ST8SIA6: variants seen among roughly 807,000 people sequenced by gnomAD.
ST8SIA6 encodes ST8 alpha-N-acetyl-neuraminide alpha-2,8-sialyltransferase 6.
A neutral mutation model predicts 33.6 loss-of-function variants in ST8SIA6; 39 were observed. The observed-to-expected ratio is 1.16, with a 90% confidence interval of 0.90 to 1.52. The LOEUF (loss-of-function observed/expected upper bound fraction) is 1.52. Ranked by LOEUF, ST8SIA6 falls within the 40% of genes most tolerant of loss-of-function variation. ST8SIA6 has a pLI of 0.00. For missense variants in ST8SIA6, 441 were observed against 443.8 expected (o/e 0.99, Z 0.06); for synonymous variants, 172 against 167.2 (o/e 1.03, Z -0.22).
At chr10:17,388,423 A>G (rs989085591) in intron 3 of ST8SIA6, among the ~76,000 whole-genome samples, 10 of 152,222 alleles carry the variant, frequency 6.6e-5, no homozygotes, top group African/African-American at 2.4e-4. Context: ...TCCCCAGATC[A>G]AACTCCAACA....
At chr10:17,379,761 C>G in intron 3 of ST8SIA6, among the ~76,000 whole-genome samples, 1 of 152,226 alleles carries the variant, frequency 6.6e-6, no homozygotes, top group South Asian at 2.1e-4. Context: ...CAAGCTATGC[C>G]CGACCACCTT....
At chr10:17,384,295 G>T (rs1043655982) in intron 3 of ST8SIA6, among the ~76,000 whole-genome samples, 1 of 152,170 alleles carries the variant, frequency 6.6e-6, no homozygotes, top group Admixed American at 6.5e-5. Context: ...GTATTTGATG[G>T]CACAAATCCA....
intron 2 of ST8SIA6, among the ~76,000 whole-genome samples, chr10:17,434,754 C>CACAT (rs200363979): frequency 0.021 from 3,200 of 151,916 alleles, 87 homozygotes; most frequent in Admixed American, 0.073. Flanking sequence ...CACACACACA[C>CACAT]GGGAAAGGAA....
At chr10:17,425,579 A>G (rs1335656037) in intron 2 of ST8SIA6, among the ~76,000 whole-genome samples, 4 of 151,726 alleles carry the variant, frequency 2.6e-5, no homozygotes, top group Non-Finnish European at 5.9e-5. Context: ...GAAAGAGGAA[A>G]GAACGAAAGG....
intron 6 of ST8SIA6, among the ~76,000 whole-genome samples, chr10:17,326,144 T>C (rs975753077): frequency 3.3e-5 from 5 of 152,150 alleles, no homozygotes; most frequent in African/African-American, 1.2e-4. Context: ...GCACAAAATT[T>C]AAAAATGAGA....
At chr10:17,425,666 G>A (rs1851913395) in intron 2 of ST8SIA6, among the ~76,000 whole-genome samples, 1 of 149,674 alleles carries the variant, frequency 6.7e-6, no homozygotes, top group South Asian at 2.1e-4. Context: ...GGGAGGAAGG[G>A]AAGAAAGAAA....
chr10:17,322,120 G>T (rs1464734325), intron 7 of ST8SIA6, among the ~76,000 whole-genome samples: 1 of 148,838 alleles, frequency 6.7e-6, no homozygotes, highest in African/African-American at 2.5e-5. Context: ...GAGAGAGAGA[G>T]AGAGGAAGGA....
intron 2 of ST8SIA6, among the ~76,000 whole-genome samples, chr10:17,407,371 G>A (rs1325510430): frequency 6.6e-6 from 1 of 152,136 alleles, no homozygotes; most frequent in Admixed American, 6.5e-5. Flanking sequence ...CTTGCCATCA[G>A]AGGGCCAAAA....
intron 4 of ST8SIA6, among the ~76,000 whole-genome samples, chr10:17,339,476 T>G (rs1407040456): frequency 1.3e-5 from 2 of 152,352 alleles, no homozygotes; most frequent in Non-Finnish European, 2.9e-5. Flanking sequence ...AAAAAGAGTT[T>G]TAAAATGTAA....
intron 4 of ST8SIA6, among the ~76,000 whole-genome samples, chr10:17,349,843 T>C (rs183282851): frequency 6.6e-6 from 1 of 152,292 alleles, no homozygotes; most frequent in East Asian, 1.9e-4. Flanking sequence ...AGTCTTGACC[T>C]ATTTTCTGAA....
At chr10:17,342,728 A>G (rs1848717116) in intron 4 of ST8SIA6, among the ~76,000 whole-genome samples, 1 of 152,140 alleles carries the variant, frequency 6.6e-6, no homozygotes, top group African/African-American at 2.4e-5. Flanking sequence ...AGGCGGATGG[A>G]TCACGAGTTC....
At chr10:17,436,411 G>A (rs1852256628) in intron 2 of ST8SIA6, among the ~76,000 whole-genome samples, 1 of 152,058 alleles carries the variant, frequency 6.6e-6, no homozygotes, top group African/African-American at 2.4e-5. Flanking sequence ...TAGGGTACAT[G>A]TGCACAACGT....
Position 17,317,944 on chromosome 10 carries a change from C to T in ST8SIA6, c.*2934G>A, listed in dbSNP as rs1847825981. Reference sequence around the variant, plus strand: ...AAGCACCAGAGACTTCAAGGATGTTCGAGGATTATTACACTGCGCAAAAAT... The same window carrying T: ...AAGCACCAGAGACTTCAAGGATGTTTGAGGATTATTACACTGCGCAAAAAT... On this transcript the variant is annotated 3_prime_UTR_variant, in exon 8 of 8. Transcript: ENST00000377602. Among the ~76,000 whole-genome samples, 1 of 152,104 alleles carries T rather than the reference C, an allele frequency of 6.6e-6. No homozygotes were observed. The highest frequency in any genetic ancestry group is 6.6e-5 in the Admixed American group (1 of 15,258).
chr10:17,435,446 C>A (rs1237555277), intron 2 of ST8SIA6, among the ~76,000 whole-genome samples: 1 of 152,192 alleles, frequency 6.6e-6, no homozygotes, highest in African/African-American at 2.4e-5. Flanking sequence ...AAGTTACTGA[C>A]CTCTCTGTGT....
intron 2 of ST8SIA6, among the ~76,000 whole-genome samples, chr10:17,440,423 C>G (rs1044248956): frequency 3.9e-5 from 6 of 152,046 alleles, no homozygotes; most frequent in Non-Finnish European, 8.8e-5. Flanking sequence ...CCAGGATGGT[C>G]TCGAACTCCT....
In ST8SIA6 at chr10:17,346,179, G is replaced by A. The variant is rs192631414; in HGVS notation, c.377+13335C>T. Among the ~76,000 whole-genome samples, 432 of 152,302 alleles carry A rather than the reference G, an allele frequency of 2.8e-3. 2 individuals carry two copies. The highest frequency in any genetic ancestry group is 9.8e-3 in the African/African-American group (406 of 41,558). ...GGTTCCTTTGAAGATCCTTTAGGTG[G>A]CAGCTCTAGCTGAATTCCTAGTAAG... On this transcript the variant is annotated intron_variant, in intron 4 of 7. Coordinates refer to ENST00000377602, the MANE Select transcript of ST8SIA6 (RefSeq NM_001004470.3).
Position 17,337,274 on chromosome 10 carries a change from C to A in ST8SIA6, c.378-5722G>T, listed in dbSNP as rs1445138349. Among the ~76,000 whole-genome samples, 4 of 152,264 alleles carry A rather than the reference C, an allele frequency of 2.6e-5. No homozygotes were observed. In the South Asian group the frequency reaches 8.3e-4, roughly 32 times the overall value. On this transcript the variant is annotated intron_variant, in intron 4 of 7. Transcript: ENST00000377602. ...CCTGCAGAGCCGTGAGCCAATTAAA[C>A]CTCTTTTCCTTATAAATTACCCCAT...
At chr10:17,427,437 G>T (rs1228155828) in intron 2 of ST8SIA6, among the ~76,000 whole-genome samples, 2 of 152,192 alleles carry the variant, frequency 1.3e-5, no homozygotes, top group Non-Finnish European at 2.9e-5. Flanking sequence ...GAGCGATGGA[G>T]ACCTGATGGA....
At chr10:17,436,619 A>G (rs917548237) in intron 2 of ST8SIA6, among the ~76,000 whole-genome samples, 3 of 146,284 alleles carry the variant, frequency 2.1e-5, no homozygotes, top group South Asian at 2.2e-4. Flanking sequence ...GAGAACATGC[A>G]GTGTTTGGTT....
Sources: allele counts gnomAD v4.1 joint callset (sites outside exome capture counted in the v4.1 genomes callset), GRCh38; gene constraint gnomAD v4.1.1; transcripts MANE v1.5; gene names NCBI Gene and HGNC (gene_info 2026-07-23, HGNC 2026-07-21).